Variants in ZFHX3 observed in about 807,000 individuals in gnomAD.
The protein encoded by ZFHX3 is zinc finger homeobox 3.
ZFHX3 carries 42 observed loss-of-function variants against 279.1 expected under a neutral mutation model. The observed-to-expected ratio is 0.15, with a 90% CI of 0.12 to 0.19. ZFHX3 has a LOEUF of 0.19. ZFHX3 is among the 10% of genes least tolerant of loss of function. The pLI, the probability that ZFHX3 is intolerant of heterozygous loss-of-function variation, is 1.00. For missense variants in ZFHX3, 4,981 were observed against 4,754.0 expected (o/e 1.05, Z -1.40); for synonymous variants, 2,293 against 1,957.8 (o/e 1.17, Z -4.52).
intron 2 of ZFHX3, among the ~76,000 whole-genome samples, chr16:73,649,320 C>T (rs972611532): frequency 6.6e-6 from 1 of 152,152 alleles, no homozygotes; most frequent in Non-Finnish European, 1.5e-5. Context: ...TGGCTTTGGT[C>T]TCAATCTCTA....
At position 72,959,019 on chromosome 16, in the gene ZFHX3, T is replaced by A. The variant is rs1161435417; in HGVS notation, c.1127A>T (p.Glu376Val). The A allele has an allele frequency of 6.2e-7, 1 of 1,612,718 alleles. No individual in the cohort carries two copies. The highest frequency in any genetic ancestry group is 8.5e-7 in the Non-Finnish European group (1 of 1,179,304). The part of the protein sequence containing the change: ...GKFSGIRMEG[E>V]EALPAGSAAG... ...GGCGGAGCCCGCTGGGAGAGCTTCC[T>A]CCCCTTCCATTCGAATGCCACTAAA... is the stretch of plus-strand genomic sequence containing the variant. The change falls in exon 2 of 10, where the codon GAG becomes GTG. Residue 376 changes from glutamate to valine, a missense_variant. This residue lies in a region of ZFHX3 where 1,068 missense variants were observed against 935.2 expected (regional missense o/e 1.14). Transcript: ENST00000268489.
At chr16:73,713,975 C>A (rs1434806111) in intron 1 of ZFHX3, among the ~76,000 whole-genome samples, 1 of 152,184 alleles carries the variant, frequency 6.6e-6, no homozygotes, top group African/African-American at 2.4e-5. Flanking sequence ...CCAGAGGAAG[C>A]AGATCACCGA....
At chr16:73,606,939 T>C (rs1339022442) in intron 2 of ZFHX3, among the ~76,000 whole-genome samples, 1 of 152,198 alleles carries the variant, frequency 6.6e-6, no homozygotes, top group Non-Finnish European at 1.5e-5. Flanking sequence ...CTCATTCTTG[T>C]AATCTCCAGC....
chr16:73,039,664 G>T (rs916670717), intron 1 of ZFHX3, among the ~76,000 whole-genome samples: 3 of 152,186 alleles, frequency 2.0e-5, no homozygotes, highest in Non-Finnish European at 4.4e-5. Context: ...ACCAGGAAGT[G>T]ACCAGGCCTG....
chr16:73,628,988 A>G (rs1056437356), intron 2 of ZFHX3, among the ~76,000 whole-genome samples: 2 of 152,202 alleles, frequency 1.3e-5, no homozygotes, highest in Non-Finnish European at 2.9e-5. Context: ...CTGATACAGG[A>G]GGACAATGAA....
chr16:73,745,676 A>G (rs2053697201), intron 1 of ZFHX3, among the ~76,000 whole-genome samples: 1 of 152,158 alleles, frequency 6.6e-6, no homozygotes, highest in Non-Finnish European at 1.5e-5. Flanking sequence ...TCTTTTTACC[A>G]TGAACATGCC....
intron 4 of ZFHX3, among the ~76,000 whole-genome samples, chr16:73,312,965 T>G (rs2015359797): frequency 6.6e-6 from 1 of 152,220 alleles, no homozygotes; most frequent in Non-Finnish European, 1.5e-5. Context: ...AATGGGTCAG[T>G]GATATGGTTT....
chr16:73,120,855 C>A (rs762018668), intron 7 of ZFHX3, among the ~76,000 whole-genome samples: 2 of 151,778 alleles, frequency 1.3e-5, no homozygotes, highest in African/African-American at 2.4e-5. Context: ...GGGATTTCAC[C>A]GTGTTAGCCA....
At chr16:73,877,840 C>T (rs1293667524) in intron 1 of ZFHX3, among the ~76,000 whole-genome samples, 3 of 152,008 alleles carry the variant, frequency 2.0e-5, no homozygotes, top group African/African-American at 7.2e-5. Context: ...TATTAAAACA[C>T]ACACAAAGAC....
chr16:73,848,531 T>TAA (rs1335231232), intron 1 of ZFHX3, among the ~76,000 whole-genome samples: 1 of 152,196 alleles, frequency 6.6e-6, no homozygotes, highest in Non-Finnish European at 1.5e-5. Flanking sequence ...CAAGGCCACA[T>TAA]AATCCAATGG....
chr16:73,506,760 A>G (rs1390241212), intron 2 of ZFHX3, among the ~76,000 whole-genome samples: 1 of 152,174 alleles, frequency 6.6e-6, no homozygotes, highest in African/African-American at 2.4e-5. Context: ...CGGCAACCAC[A>G]GGGTCCCAGC....
intron 3 of ZFHX3, among the ~76,000 whole-genome samples, chr16:73,436,629 C>T (rs1428580536): frequency 6.6e-6 from 1 of 152,160 alleles, no homozygotes; most frequent in Admixed American, 6.5e-5. Context: ...CAGCTACCCA[C>T]CCACTGCCAC....
At chr16:72,955,587 T>C (rs1961214679) in intron 2 of ZFHX3, among the ~76,000 whole-genome samples, 1 of 152,116 alleles carries the variant, frequency 6.6e-6, no homozygotes, top group African/African-American at 2.4e-5. Flanking sequence ...GAGACCAGCC[T>C]GGCCAAGATG....
Position 72,788,460 on chromosome 16 carries a change from G to A in ZFHX3, c.9816C>T (p.Ile3272=). Residue 3272 remains isoleucine (I), a synonymous_variant, in exon 10 of 10, where the codon ATC becomes ATT. Coordinates refer to ENST00000268489, the MANE Select transcript of ZFHX3 (RefSeq NM_006885.4). The part of the protein sequence containing the change: ...GEAPTATAAT[I]SAPLPTMEYA... The stretch of plus-strand genomic sequence containing the variant: ...ACTCCATGGTGGGCAGCGGGGCTGA[G>A]ATCGTGGCTGCAGTTGCCGTGGGGG... 1 of 1,614,234 alleles carries A rather than the reference G, an allele frequency of 6.2e-7. No homozygotes were observed.
intron 3 of ZFHX3, among the ~76,000 whole-genome samples, chr16:73,382,804 G>A (rs899929811): frequency 1.3e-5 from 2 of 152,156 alleles, no homozygotes; most frequent in African/African-American, 4.8e-5. Context: ...ACTTTCAATA[G>A]AAACAAATGT....
At chr16:73,588,333 A>T (rs1221601172) in intron 2 of ZFHX3, among the ~76,000 whole-genome samples, 1 of 152,230 alleles carries the variant, frequency 6.6e-6, no homozygotes, top group Non-Finnish European at 1.5e-5. Flanking sequence ...ACAGAAAAAA[A>T]GAATATAGTA....
At chr16:73,742,831 C>T (rs977923961) in intron 1 of ZFHX3, among the ~76,000 whole-genome samples, 1 of 152,182 alleles carries the variant, frequency 6.6e-6, no homozygotes, top group East Asian at 1.9e-4. Flanking sequence ...TACACCTTTC[C>T]ATGAGAATTC....
chr16:73,624,465 A>AG (rs35786444), intron 2 of ZFHX3, among the ~76,000 whole-genome samples: 1 of 151,838 alleles, frequency 6.6e-6, no homozygotes, highest in Non-Finnish European at 1.5e-5. Context: ...ACCTAGAGTC[A>AG]GGGGGCAGGA....
chr16:73,711,317 G>A (rs2053360844), intron 1 of ZFHX3, among the ~76,000 whole-genome samples: 1 of 152,098 alleles, frequency 6.6e-6, no homozygotes, highest in South Asian at 2.1e-4. Flanking sequence ...CGCATTCTCG[G>A]TATAAGAAAA....
Sources: allele counts gnomAD v4.1 joint callset (sites outside exome capture counted in the v4.1 genomes callset), GRCh38; gene constraint gnomAD v4.1.1; regional missense constraint gnomAD v4.1.1; transcripts MANE v1.5; gene names NCBI Gene and HGNC (gene_info 2026-07-23, HGNC 2026-07-21).